RPS6KA4: variants seen among roughly 807,000 people sequenced by gnomAD.
The protein encoded by RPS6KA4 is ribosomal protein S6 kinase A4.
Under a neutral mutation model 89.6 loss-of-function variants are expected in RPS6KA4, and 38 were observed. The ratio of observed to expected loss-of-function variants is 0.42; its 90% CI spans 0.33 to 0.56. The LOEUF (loss-of-function observed/expected upper bound fraction) is 0.56. RPS6KA4 is among the 20% of genes least tolerant of loss of function. The probability of loss-of-function intolerance (pLI) is 0.07; values close to 1 mark genes in which losing one functional copy is unlikely to be tolerated. For missense variants in RPS6KA4, 873 were observed against 1,098.8 expected (o/e 0.79, Z 2.90); for synonymous variants, 495 against 492.8 (o/e 1.00, Z -0.06).
At position 64,368,281 on chromosome 11, in the gene RPS6KA4, T is replaced by C. The variant is rs753997703; in HGVS notation, c.1200+21T>C. The C allele has an allele frequency of 7.5e-6, 12 of 1,609,558 alleles. No individual in the cohort carries two copies. In the African/African-American group the frequency reaches 8.1e-5, roughly 11 times the overall value. On this transcript the variant is annotated intron_variant, in intron 10 of 16. Coordinates refer to ENST00000334205, the MANE Select transcript of RPS6KA4 (RefSeq NM_003942.3). ...TGCAGGTGGGCTGGGCTGGGCTGGG[T>C]TGGGGGGAAATTGGTTTTAGGAGAG...
intron 9 of RPS6KA4, among the ~76,000 whole-genome samples, chr11:64,365,963 T>C (rs2036870264): frequency 6.6e-6 from 1 of 151,084 alleles, no homozygotes. Flanking sequence ...CCCTTGAACC[T>C]GGGAGGCGGA....
In RPS6KA4 at chr11:64,361,175, G is replaced by T. The variant is rs1340396743; in HGVS notation, c.504G>T (p.Leu168=). Residue 168 remains leucine, a synonymous_variant, in exon 5 of 17, where the codon CTG becomes CTT. Coordinates refer to ENST00000334205, the MANE Select transcript of RPS6KA4 (RefSeq NM_003942.3). This position sits in a 1 kb window ranked among gnomAD's most constrained non-coding sequence, Gnocchi z 4.7. The stretch of plus-strand genomic sequence containing the variant: ...GAGACCTGAAACTGGAGAATGTGCT[G>T]CTGGACTCCGAGGGCCACATTGTCC... ...IYRDLKLENV[L]LDSEGHIVLT... 1 of 1,613,446 alleles carries T rather than the reference G, an allele frequency of 6.2e-7. No homozygotes were observed. Among genetic ancestry groups the T allele is most frequent in the African/African-American group, 1.3e-5 (1 of 75,040 alleles).
chr11:64,359,472 C>A, intron 2 of RPS6KA4, 23 bp downstream of exon 2: 3 of 1,611,374 alleles, frequency 1.9e-6, no homozygotes, highest in Middle Eastern at 1.7e-4. Context: ...ATCCACCGGG[C>A]AGGCGTCCCA....
chr11:64,370,280 A>G lies in RPS6KA4; in HGVS notation c.1853A>G (p.Gln618Arg). ...CAGGGGGCCTCTGGCCAGGGCGGGC[A>G]GAGCCAGGCGGCCGAGATCATGTGC... ...PFQGASGQGGQSQAAEIMCKI... is the reference protein window; with the variant it reads ...PFQGASGQGGRSQAAEIMCKI... The change falls in exon 15 of 17, where the codon CAG (glutamine) becomes CGG (arginine). Residue 618 changes from glutamine to arginine, a missense_variant. By Grantham distance (43) the Gln-to-Arg change is conservative. Transcript: ENST00000334205. The surrounding 1 kb of genome is among the most constrained non-coding windows in gnomAD (Gnocchi z 4.1). 6.3e-7 allele frequency: 1 copy of G among 1,588,756 alleles called. No homozygotes were observed. The highest frequency in any genetic ancestry group is 8.5e-7 in the Non-Finnish European group (1 of 1,173,008).
chr11:64,366,095 A>C (rs34132076), intron 9 of RPS6KA4, among the ~76,000 whole-genome samples: 2 of 151,850 alleles, frequency 1.3e-5, no homozygotes, highest in East Asian at 1.9e-4. Context: ...GAGGAGATGC[A>C]TGTTGATATT....
intron 8 of RPS6KA4, among the ~76,000 whole-genome samples, chr11:64,363,249 A>G (rs537165564): frequency 3.9e-5 from 6 of 152,304 alleles, no homozygotes; most frequent in Admixed American, 3.3e-4. Context: ...AAGCCCTGGG[A>G]GGGCCTGCCT....
At chr11:64,366,148 G>C (rs2036876664) in intron 9 of RPS6KA4, among the ~76,000 whole-genome samples, 1 of 151,280 alleles carries the variant, frequency 6.6e-6, no homozygotes, top group South Asian at 2.1e-4. Flanking sequence ...CACTCCTGGA[G>C]GGTCAGGTCC....
At chr11:64,360,021 C>T in intron 2 of RPS6KA4, 142 bp from the exon 3 acceptor site, 2 of 769,360 alleles carry the variant, frequency 2.6e-6, no homozygotes, top group Non-Finnish European at 4.2e-6. Flanking sequence ...GAAGGCTCTG[C>T]CAGCTTTTTG....
intron 4 of RPS6KA4, 89 bp downstream of exon 4, chr11:64,360,681 C>T: frequency 4.2e-6 from 5 of 1,179,562 alleles, no homozygotes; most frequent in Non-Finnish European, 6.0e-6. Flanking sequence ...CTCAGGCTTC[C>T]CCCTGGGCTT....
chr11:64,369,043 G>C (rs1053626702), intron 12 of RPS6KA4, among the ~76,000 whole-genome samples: 1 of 152,214 alleles, frequency 6.6e-6, no homozygotes, highest in African/African-American at 2.4e-5. Flanking sequence ...TGTGATCCCA[G>C]CACTTTGGGA....
intron 9 of RPS6KA4, among the ~76,000 whole-genome samples, chr11:64,367,142 AAATTAATT>A (rs1017086767): frequency 2.0e-5 from 3 of 152,194 alleles, no homozygotes; most frequent in Admixed American, 6.5e-5. Context: ...TTATTTTTTA[AAATTAATT>A]AATTAATGTT....
chr11:64,359,544 GC>G (rs1291737461), intron 2 of RPS6KA4, 95 bp downstream of exon 2: 6 of 1,331,260 alleles, frequency 4.5e-6, no homozygotes, highest in Non-Finnish European at 4.2e-6. Context: ...CACTGAGCAG[GC>G]CCCCCACCCT....
chr11:64,361,799 CAGGGCTGTGGGTGGGGGGCTTG>C lies in RPS6KA4; in HGVS notation c.756-52_756-31del. ...CAGAGGGCTGCAGGGCCTGCCTGGG[CAGGGCTGTGGGTGGGGGGCTTG>C]CTGCCCCTGACACCCCCCCAATCCT... On this transcript the variant is annotated intron_variant, in intron 7 of 16. Coordinates refer to ENST00000334205, the MANE Select transcript of RPS6KA4 (RefSeq NM_003942.3). This position sits in a 1 kb window ranked among gnomAD's most constrained non-coding sequence, Gnocchi z 4.7. 1 of 1,585,816 alleles carries C rather than the reference CAGGGCTGTGGGTGGGGGGCTTG, an allele frequency of 6.3e-7. No individual in the cohort carries two copies. Among genetic ancestry groups the C allele is most frequent in the South Asian group, 1.1e-5 (1 of 88,256 alleles).
At chr11:64,364,274 G>C (rs2036825667) in intron 8 of RPS6KA4, among the ~76,000 whole-genome samples, 1 of 152,024 alleles carries the variant, frequency 6.6e-6, no homozygotes, top group Non-Finnish European at 1.5e-5. Context: ...GGAGGAAGGA[G>C]AAGGGGCAAA....
chr11:64,360,729 C>A, intron 4 of RPS6KA4, 137 bp downstream of exon 4: 1 of 747,106 alleles, frequency 1.3e-6, no homozygotes, highest in Non-Finnish European at 2.2e-6. Flanking sequence ...GGAATTGGAG[C>A]TGCTTCCCCT....
Position 64,368,729 on chromosome 11 carries a change from G to T in RPS6KA4, c.1360G>T (p.Val454Leu), listed in dbSNP as rs2036962831. 1 of 1,576,596 alleles carries T rather than the reference G, an allele frequency of 6.3e-7. No homozygotes were observed. The highest frequency in any genetic ancestry group is 8.6e-7 in the Non-Finnish European group (1 of 1,161,644). ...GCTGGAGGCGAACACGCAGCGCGAAGTGGCTGCCCTGCGCCTGTGCCAGTC... is the reference window on the plus strand; with the variant it reads ...GCTGGAGGCGAACACGCAGCGCGAATTGGCTGCCCTGCGCCTGTGCCAGTC... ...RRLEANTQRE[V>L]AALRLCQSHP... Residue 454 changes from valine (V) to leucine (L), a missense_variant, in exon 12 of 17, where the codon GTG becomes TTG. Val to Leu is a conservative substitution (Grantham distance 32). This residue lies in a region of RPS6KA4 where 542 missense variants were observed against 736.4 expected (regional missense o/e 0.74). Transcript: ENST00000334205.
rs758477759 is a variant in RPS6KA4, at chr11:64,361,617, C to T, written c.652-25C>T. 2.5e-6 allele frequency: 4 copies of T among 1,612,684 alleles called. No homozygotes were observed. The highest frequency in any genetic ancestry group is 3.3e-5 in the Admixed American group (2 of 59,998). On this transcript the variant is annotated intron_variant, in intron 6 of 16. Transcript: ENST00000334205. This position sits in a 1 kb window ranked among gnomAD's most constrained non-coding sequence, Gnocchi z 4.7. ...GGGTGTGAGGCAGGGGAGATGCAGG[C>T]CCTCACCCCGGCTCCACCCGGCAGG...
chr11:64,362,644 G>C (rs981337192), intron 8 of RPS6KA4, among the ~76,000 whole-genome samples: 1 of 152,190 alleles, frequency 6.6e-6, no homozygotes, highest in East Asian at 1.9e-4. Context: ...GCCCTTTGCG[G>C]ACATGAACTC....
At chr11:64,360,684 C>A in intron 4 of RPS6KA4, 92 bp downstream of exon 4, 2 of 1,090,806 alleles carry the variant, frequency 1.8e-6, no homozygotes, top group South Asian at 3.0e-5. Flanking sequence ...AGGCTTCCCC[C>A]TGGGCTTCCT....
Sources: allele counts gnomAD v4.1 joint callset (sites outside exome capture counted in the v4.1 genomes callset), GRCh38; gene constraint gnomAD v4.1.1; regional missense constraint gnomAD v4.1.1; non-coding constraint Gnocchi (gnomAD v3.1); transcripts MANE v1.5; gene names NCBI Gene and HGNC (gene_info 2026-07-23, HGNC 2026-07-21).